CSPG4: variants seen among roughly 807,000 people sequenced by gnomAD.
The protein encoded by CSPG4 is chondroitin sulfate proteoglycan 4, also known as chondroitin sulfate proteoglycan 4 (melanoma-associated).
CSPG4 carries 74 observed loss-of-function variants against 139.3 expected under a neutral mutation model. The observed-to-expected ratio is 0.53, with a 90% CI of 0.44 to 0.64. CSPG4 has a LOEUF of 0.64. CSPG4 is among the 30% of genes least tolerant of loss of function. CSPG4 has a pLI of 0.00. For missense variants in CSPG4, 2,565 were observed against 3,148.3 expected (o/e 0.81, Z 4.43); for synonymous variants, 1,234 against 1,394.2 (o/e 0.89, Z 2.56).
intron 8 of CSPG4, among the ~76,000 whole-genome samples, chr15:75,678,199 A>G (rs1412888318): frequency 6.6e-6 from 1 of 152,174 alleles, no homozygotes; most frequent in East Asian, 1.9e-4. Flanking sequence ...CCTCTTGTGC[A>G]CAGGATCCTA....
intron 1 of CSPG4, among the ~76,000 whole-genome samples, chr15:75,694,043 C>T (rs1287693534): frequency 1.3e-5 from 2 of 152,238 alleles, no homozygotes; most frequent in Non-Finnish European, 2.9e-5. Flanking sequence ...CAGATCCGGC[C>T]CCATTGTTTC....
At chr15:75,704,811 G>A (rs1052005455) in intron 1 of CSPG4, among the ~76,000 whole-genome samples, 4 of 152,150 alleles carry the variant, frequency 2.6e-5, no homozygotes, top group Admixed American at 6.5e-5. Context: ...CCCTCAGTCC[G>A]GATTTCTGCT....
chr15:75,676,908 C>T lies in CSPG4; in HGVS notation c.5611G>A (p.Glu1871Lys), dbSNP rs564867217. The change falls in exon 10 of 10, where the codon GAG (glutamate) becomes AAG (lysine). Residue 1871 changes from glutamate (E) to lysine (K), a missense_variant. Glu to Lys is a moderately conservative substitution (Grantham distance 56). Around this residue, in one of 5 missense-constraint regions of CSPG4, gnomAD observed 2,316 missense variants for 2,818.2 expected, o/e 0.82. Transcript: ENST00000308508. ...PDSAPGEIEY[E>K]VQRAPHNGFL... ...CCGTTGTGGGGTGCCCGCTGGACCT[C>T]GTACTCAATCTCCCCAGGAGCTGAG... 1.7e-5 allele frequency: 26 copies of T among 1,574,268 alleles called. No homozygotes were observed. The highest frequency in any genetic ancestry group is 8.0e-5 in the South Asian group (7 of 87,054).
chr15:75,682,727 C>G lies in CSPG4; in HGVS notation c.4663G>C (p.Gly1555Arg), dbSNP rs367996596. Residue 1555 changes from glycine to arginine, a missense_variant, in exon 7 of 10, where the codon GGC (glycine) becomes CGC (arginine). Around this residue, in one of 5 missense-constraint regions of CSPG4, gnomAD observed 2,316 missense variants for 2,818.2 expected, o/e 0.82. Coordinates refer to ENST00000308508, the MANE Select transcript of CSPG4 (RefSeq NM_001897.5). ...LFSHRGTLDGGFRFRLSDGEH... is the reference protein window; with the variant it reads ...LFSHRGTLDGRFRFRLSDGEH... ...CCGTCAGAGAGGCGGAAGCGGAAGC[C>G]TCCATCCAGGGTTCCTGGGGACAGG... is the stretch of plus-strand genomic sequence containing the variant. 1 of 1,612,830 alleles carries G rather than the reference C, an allele frequency of 6.2e-7. No individual in the cohort carries two copies. The highest frequency in any genetic ancestry group is 8.5e-7 in the Non-Finnish European group (1 of 1,180,022).
intron 1 of CSPG4, among the ~76,000 whole-genome samples, chr15:75,701,588 C>T (rs898485791): frequency 1.8e-4 from 26 of 143,466 alleles, no homozygotes; most frequent in African/African-American, 6.3e-4. Context: ...GCCTGTGGGC[C>T]CCCCCTGGAG....
In CSPG4 at chr15:75,675,520, C is replaced by A; in HGVS notation, c.*30G>T. The A allele has an allele frequency of 2.0e-6, 3 of 1,466,368 alleles. No individual in the cohort carries two copies. Among genetic ancestry groups the A allele is most frequent in the Middle Eastern group, 2.3e-4 (1 of 4,338 alleles). 90.8% of individuals were successfully genotyped at this position (1,466,368 alleles called of 1,614,324 possible). ...GGGACATGGGCAAGCCTGTCCCTGG[C>A]CCGATCAGCATCTGGGCCCAGGCCA... On this transcript the variant is annotated 3_prime_UTR_variant, in exon 10 of 10. Coordinates refer to ENST00000308508, the MANE Select transcript of CSPG4 (RefSeq NM_001897.5).
In CSPG4 at chr15:75,685,129, G is replaced by A. The variant is rs1262120741; in HGVS notation, c.4272+90C>T. ...ATGTGACTCCCCGTCTCCTCTCTGTGTATAACCCCCAGACTGGGAGTCCCC... is the reference window on the plus strand; with the variant it reads ...ATGTGACTCCCCGTCTCCTCTCTGTATATAACCCCCAGACTGGGAGTCCCC... On this transcript the variant is annotated intron_variant, in intron 4 of 9. Transcript: ENST00000308508. The A allele has an allele frequency of 4.1e-6, 6 of 1,477,668 alleles. No homozygotes were observed. The African/African-American group carries it at 8.5e-5, about 21-fold the overall frequency. The allele number at this position is 1,477,668 out of a possible 1,614,324, so 91.5% of individuals were successfully genotyped here.
Position 75,693,074 on chromosome 15 carries a change from A to G in CSPG4, c.248T>C (p.Leu83Pro), listed in dbSNP as rs1894185381. 3 of 1,454,136 alleles carry G rather than the reference A, an allele frequency of 2.1e-6. No individual in the cohort carries two copies. The highest frequency in any genetic ancestry group is 2.8e-6 in the Non-Finnish European group (3 of 1,057,792). 90.1% of individuals were successfully genotyped at this position (1,454,136 alleles called of 1,614,324 possible). The change falls in exon 2 of 10, where the codon CTG (leucine) becomes CCG (proline). Residue 83 changes from leucine to proline, a missense_variant. Coordinates refer to ENST00000308508, the MANE Select transcript of CSPG4 (RefSeq NM_001897.5). ...HLLLQLYSGR[L>P]QVRLVLGQEE... ...TCTCAGGGGGACGTCACTCACCTGC[A>G]GGCGTCCAGAGTAGAGCTGCAGCAG...
chr15:75,682,222 T>C lies in CSPG4; in HGVS notation c.4950+71A>G, dbSNP rs564043097. On this transcript the variant is annotated intron_variant, in intron 8 of 9. Transcript: ENST00000308508. ...GCTGGAGCTGGCATCCATGTCCACA[T>C]GATGTCCATGGCACAGCGGCCACCT... The C allele has an allele frequency of 4.4e-4, 681 of 1,532,468 alleles. 4 individuals carry two copies. In the African/African-American group the frequency reaches 8.5e-3, roughly 19 times the overall value. The allele number at this position is 1,532,468 out of a possible 1,614,324, so 94.9% of individuals were successfully genotyped here.
chr15:75,696,137 A>C lies in CSPG4; in HGVS notation c.89-2904T>G, dbSNP rs995500080. On this transcript the variant is annotated intron_variant, in intron 1 of 9. Transcript: ENST00000308508. This position sits in a 1 kb window ranked among gnomAD's most constrained non-coding sequence, Gnocchi z 4.2. ...TGAGCCAGGAGAAGGGGCCCACTTC[A>C]GGCCTCAGTGTCACCATTCTGTAAA... 2.6e-5 allele frequency among the ~76,000 whole-genome samples: 4 copies of C among 152,174 alleles called. No homozygotes were observed. The highest frequency in any genetic ancestry group is 4.4e-5 in the Non-Finnish European group (3 of 68,022).
chr15:75,678,434 CCT>C (rs1402910943), intron 8 of CSPG4: 16 of 350,402 alleles, frequency 4.6e-5, no homozygotes, highest in Admixed American at 1.5e-4. Flanking sequence ...CTCACTGCAG[CCT>C]CGACCTCCAG....
chr15:75,687,365 C>A lies in CSPG4; in HGVS notation c.3700G>T (p.Gly1234Cys). ...ACCAGCTTCAGTGGGGCCAGTGGGC[C>A]CTCTAGGGCAATGGTCACTTGTAGG... ...ATLQVTIALE[G>C]PLAPLKLVRH... The change falls in exon 3 of 10, where the codon GGC becomes TGC. Residue 1234 changes from glycine to cysteine, a missense_variant. By Grantham distance (159) the Gly-to-Cys change is radical. This residue lies in a region of CSPG4 where 2,316 missense variants were observed against 2,818.2 expected (regional missense o/e 0.82). Transcript: ENST00000308508. This position sits in a 1 kb window ranked among gnomAD's most constrained non-coding sequence, Gnocchi z 5.4. 6 of 1,612,904 alleles carry A rather than the reference C, an allele frequency of 3.7e-6. No individual in the cohort carries two copies. Among genetic ancestry groups the A allele is most frequent in the Non-Finnish European group, 5.1e-6 (6 of 1,180,042 alleles).
rs768565539 is a variant in CSPG4, at chr15:75,687,905, C to A, written c.3160G>T (p.Ala1054Ser). 6.2e-7 allele frequency: 1 copy of A among 1,612,932 alleles called. No homozygotes were observed. Among genetic ancestry groups the A allele is most frequent in the Admixed American group, 1.7e-5 (1 of 60,026 alleles). The part of the protein sequence containing the change: ...FSDADSGFAD[A>S]QLVLTRKDLL... ...TCCTTGCGGGTAAGCACCAGCTGGGCGTCAGCAAAGCCCGAGTCAGCATCG... is the reference window on the plus strand; with the variant it reads ...TCCTTGCGGGTAAGCACCAGCTGGGAGTCAGCAAAGCCCGAGTCAGCATCG... The change falls in exon 3 of 10, where the codon GCC becomes TCC. Residue 1054 changes from alanine (A) to serine (S), a missense_variant. By Grantham distance (99) the Ala-to-Ser change is moderately conservative. This residue lies in a region of CSPG4 where 2,316 missense variants were observed against 2,818.2 expected (regional missense o/e 0.82). Coordinates refer to ENST00000308508, the MANE Select transcript of CSPG4 (RefSeq NM_001897.5). The surrounding 1 kb of genome is among the most constrained non-coding windows in gnomAD (Gnocchi z 5.4).
rs779833639 is a variant in CSPG4, at chr15:75,675,682, C to G, written c.6837G>C (p.Glu2279Asp). ...AGDTETFRKV[E>D]PGQAIPLTAV... ...CTGTGAGCGGGATGGCCTGGCCTGG[C>G]TCCACCTTGCGAAAGGTCTCGGTGT... Residue 2279 changes from glutamate to aspartate, a missense_variant, in exon 10 of 10, where the codon GAG (glutamate) becomes GAC (aspartate). Coordinates refer to ENST00000308508, the MANE Select transcript of CSPG4 (RefSeq NM_001897.5). 1.2e-5 allele frequency: 19 copies of G among 1,555,064 alleles called. No homozygotes were observed. Among genetic ancestry groups the G allele is most frequent in the Non-Finnish European group, 1.7e-5 (19 of 1,147,988 alleles).
rs150241616 is a variant in CSPG4, at chr15:75,690,325, C to T, written c.740G>A (p.Arg247His). 16 of 1,607,880 alleles carry T rather than the reference C, an allele frequency of 1.0e-5. No individual in the cohort carries two copies. The highest frequency in any genetic ancestry group is 9.5e-5 in the African/African-American group (7 of 73,780). ...TATGTCCACATAGATGAAGTCCCCA[C>T]GCCGGCCCCCTGCCTGGAAGGCCAA... is the stretch of plus-strand genomic sequence containing the variant. ...APLAFQAGGRRGDFIYVDIFE... is the reference protein window; with the variant it reads ...APLAFQAGGRHGDFIYVDIFE... The change falls in exon 3 of 10, where the codon CGT becomes CAT. Residue 247 changes from arginine to histidine, a missense_variant. This residue lies in a region of CSPG4 where 40 missense variants were observed against 89.0 expected (regional missense o/e 0.45). Transcript: ENST00000308508.
Position 75,684,598 on chromosome 15 carries a change from G to A in CSPG4, c.4449+138C>T, listed in dbSNP as rs540392993. The stretch of plus-strand genomic sequence containing the variant: ...TCACTTCTCTCCTTCCAACAACCCC[G>A]TGAGGCATGTGGCAGCGTCCCCATT... On this transcript the variant is annotated intron_variant, in intron 5 of 9. Coordinates refer to ENST00000308508, the MANE Select transcript of CSPG4 (RefSeq NM_001897.5). The A allele has an allele frequency of 8.9e-5, 67 of 754,638 alleles. No homozygotes were observed. In the South Asian group the frequency reaches 9.9e-4, roughly 11 times the overall value. The allele number at this position is 754,638 out of a possible 1,614,324, so 46.7% of individuals were successfully genotyped here.
intron 8 of CSPG4, chr15:75,679,738 G>C (rs1243861559): frequency 6.6e-6 from 1 of 152,094 alleles, no homozygotes; most frequent in East Asian, 1.9e-4. Context: ...GGAATGCAGT[G>C]GCACGATCTT....
At chr15:75,684,448 G>A (rs533728830) in intron 5 of CSPG4, among the ~76,000 whole-genome samples, 6 of 152,354 alleles carry the variant, frequency 3.9e-5, no homozygotes, top group Non-Finnish European at 4.4e-5. Flanking sequence ...TCTGTCAGAT[G>A]TTCTGGTCCT....
At chr15:75,704,468 G>A (rs948894224) in intron 1 of CSPG4, among the ~76,000 whole-genome samples, 8 of 152,334 alleles carry the variant, frequency 5.3e-5, no homozygotes, top group African/African-American at 1.9e-4. Context: ...GGCCCCAGAT[G>A]CCCAGAGATG....
Sources: allele counts gnomAD v4.1 joint callset (sites outside exome capture counted in the v4.1 genomes callset), GRCh38; gene constraint gnomAD v4.1.1; regional missense constraint gnomAD v4.1.1; non-coding constraint Gnocchi (gnomAD v3.1); transcripts MANE v1.5; gene names NCBI Gene and HGNC (gene_info 2026-07-23, HGNC 2026-07-21).